Variants in TMPRSS6 observed in about 807,000 individuals in gnomAD.
TMPRSS6 encodes the protein transmembrane serine protease 6.
A neutral mutation model predicts 101.5 loss-of-function variants in TMPRSS6; 67 were observed. That is an observed-to-expected ratio of 0.66 (90% CI 0.54 to 0.81). TMPRSS6 has a LOEUF of 0.81. Ranked by LOEUF, TMPRSS6 falls within the 30% of genes least tolerant of loss-of-function variation. The pLI, the probability that TMPRSS6 is intolerant of heterozygous loss-of-function variation, is 0.00. For missense variants in TMPRSS6, 1,034 were observed against 1,088.7 expected (o/e 0.95, Z 0.71); for synonymous variants, 453 against 464.9 (o/e 0.97, Z 0.33).
chr22:37,108,628 T>C (rs1014629787), intron 1 of TMPRSS6, among the ~76,000 whole-genome samples: 4 of 152,186 alleles, frequency 2.6e-5, no homozygotes, highest in African/African-American at 9.7e-5. Context: ...ATTCAACCAC[T>C]GCGTATGAAC....
At chr22:37,084,962 T>G (rs113040183) in intron 8 of TMPRSS6, 123 bp from the exon 9 acceptor site, 33 of 744,790 alleles carry the variant, frequency 4.4e-5, no homozygotes, top group African/African-American at 4.1e-4. Flanking sequence ...TTGAATGTGA[T>G]TGTGTGAATC....
rs1305732370 is a variant in TMPRSS6, at chr22:37,101,936, C to T, written c.202+1280G>A. On this transcript the variant is annotated intron_variant, in intron 2 of 17. Transcript: ENST00000676104. This position sits in a 1 kb window ranked among gnomAD's most constrained non-coding sequence, Gnocchi z 4.1. ...GGTGAAATGCACATGGCGTCTACTG[C>T]CTGCGTTGCTCAACTCTGGGTAGAA... 6.6e-6 allele frequency among the ~76,000 whole-genome samples: 1 copy of T among 152,196 alleles called. No homozygotes were observed. The highest frequency in any genetic ancestry group is 1.5e-5 in the Non-Finnish European group (1 of 68,034).
chr22:37,074,502 A>T, intron 12 of TMPRSS6, 108 bp downstream of exon 12: 1 of 1,072,704 alleles, frequency 9.3e-7, no homozygotes, highest in Non-Finnish European at 1.4e-6. Flanking sequence ...GGTGCTCATA[A>T]TGGAAGCTGC....
In TMPRSS6 at chr22:37,066,971, G is replaced by C. The variant is rs1465592623; in HGVS notation, c.2114-9C>G. On this transcript the variant is annotated splice_polypyrimidine_tract_variant and intron_variant, in intron 16 of 17. Transcript: ENST00000676104. Reference sequence around the variant, plus strand: ...AGCGTTGCTGATGGGGCCTGTCCGTGGTCAAGGGCAGAAGTGAGATCTCAG... The same window carrying C: ...AGCGTTGCTGATGGGGCCTGTCCGTCGTCAAGGGCAGAAGTGAGATCTCAG... 1 of 1,614,130 alleles carries C rather than the reference G, an allele frequency of 6.2e-7. No individual in the cohort carries two copies. The highest frequency in any genetic ancestry group is 8.5e-7 in the Non-Finnish European group (1 of 1,180,020).
Position 37,069,661 on chromosome 22 carries a change from C to T in TMPRSS6, c.1842-317G>A, listed in dbSNP as rs185356277. ...TGTTCTTGAGAGAATCCAATAAGACCGTGTATCTAAAAAATGTAGCACAGT... is the reference window on the plus strand; with the variant it reads ...TGTTCTTGAGAGAATCCAATAAGACTGTGTATCTAAAAAATGTAGCACAGT... On this transcript the variant is annotated intron_variant, in intron 15 of 17. Coordinates refer to ENST00000676104, the MANE Select transcript of TMPRSS6 (RefSeq NM_001374504.1). The surrounding 1 kb of genome is among the most constrained non-coding windows in gnomAD (Gnocchi z 4.8). Among the ~76,000 whole-genome samples the T allele has an allele frequency of 5.3e-5, 8 of 152,312 alleles. No homozygotes were observed. In the East Asian group the frequency reaches 1.2e-3, roughly 22 times the overall value.
At position 37,066,913 on chromosome 22, in the gene TMPRSS6, C is replaced by T; in HGVS notation, c.2163G>A (p.Gln721=). 6.2e-7 allele frequency: 1 copy of T among 1,614,190 alleles called. No individual in the cohort carries two copies. Among genetic ancestry groups the T allele is most frequent in the Non-Finnish European group, 8.5e-7 (1 of 1,180,038 alleles). The change falls in exon 17 of 18, where the codon CAG becomes CAA. Residue 721 remains glutamine, a synonymous_variant. Coordinates refer to ENST00000676104, the MANE Select transcript of TMPRSS6 (RefSeq NM_001374504.1). ...LQKVDVQLIP[Q]DLCSEVYRYQ... The stretch of plus-strand genomic sequence containing the variant: ...AGCGATAGACCTCGCTGCACAGGTC[C>T]TGTGGGATCAACTGCACATCCACTT...
intron 1 of TMPRSS6, among the ~76,000 whole-genome samples, chr22:37,106,304 A>G (rs1930710910): frequency 6.6e-6 from 1 of 152,226 alleles, no homozygotes; most frequent in East Asian, 1.9e-4. Context: ...AGAGAGGGAA[A>G]CTGAGGCTCG....
intron 1 of TMPRSS6, among the ~76,000 whole-genome samples, chr22:37,106,923 C>A (rs1930749181): frequency 6.6e-6 from 1 of 152,238 alleles, no homozygotes; most frequent in Non-Finnish European, 1.5e-5. Context: ...AAGCTGCCCC[C>A]TCCCCTGGGC....
intron 10 of TMPRSS6, among the ~76,000 whole-genome samples, chr22:37,078,978 A>G (rs1481656410): frequency 7.8e-5 from 11 of 141,336 alleles, no homozygotes; most frequent in African/African-American, 2.5e-4. Context: ...AAAGAAAAAG[A>G]AAGAAAGAAA....
At chr22:37,095,014 C>T (rs902758417) in intron 6 of TMPRSS6, among the ~76,000 whole-genome samples, 1 of 152,160 alleles carries the variant, frequency 6.6e-6, no homozygotes, top group East Asian at 1.9e-4. Flanking sequence ...TGTGGGTCCG[C>T]TTGGAGAAAT....
chr22:37,085,205 C>T (rs1048599282), intron 8 of TMPRSS6, among the ~76,000 whole-genome samples: 2 of 152,120 alleles, frequency 1.3e-5, no homozygotes, highest in Admixed American at 1.3e-4. Context: ...TCCCCTTTTC[C>T]AAGATGAGGT....
At chr22:37,100,748 G>A (rs1930246685) in intron 2 of TMPRSS6, among the ~76,000 whole-genome samples, 1 of 152,166 alleles carries the variant, frequency 6.6e-6, no homozygotes, top group South Asian at 2.1e-4. Context: ...AAATGTGGGT[G>A]TTATCAGGGT....
intron 10 of TMPRSS6, among the ~76,000 whole-genome samples, chr22:37,078,851 AAGGAGAAGAAGGAGAAGAGGAAGGG>A (rs1927941657): frequency 1.3e-5 from 1 of 78,794 alleles, no homozygotes; most frequent in East Asian, 2.7e-4. Context: ...GAAGGAAGAG[AAGGAGAAGAAGGAGAAGAGGAAGGG>A]AGAAGAAGGG....
chr22:37,071,502 G>A (rs1311075744), intron 13 of TMPRSS6, among the ~76,000 whole-genome samples: 7 of 152,152 alleles, frequency 4.6e-5, no homozygotes, highest in Admixed American at 2.6e-4. Context: ...CTCTCACCAA[G>A]GGCCAAACAC....
chr22:37,095,692 A>C (rs1262360828), intron 5 of TMPRSS6, 100 bp from the exon 6 acceptor site: 10 of 1,365,318 alleles, frequency 7.3e-6, no homozygotes, highest in Admixed American at 2.3e-5. Context: ...CCTTGGAGCC[A>C]GCCTTGTCTG....
chr22:37,089,490 T>C (rs961222990), intron 7 of TMPRSS6, 88 bp downstream of exon 7: 11 of 1,327,374 alleles, frequency 8.3e-6, no homozygotes, highest in Non-Finnish European at 2.1e-6. Flanking sequence ...CCCTCCCTTG[T>C]CTAAGAATGC....
At chr22:37,071,703 G>T (rs1258509259) in intron 13 of TMPRSS6, among the ~76,000 whole-genome samples, 4 of 152,338 alleles carry the variant, frequency 2.6e-5, no homozygotes, top group South Asian at 2.1e-4. Context: ...GCAAGTGTTG[G>T]TCAGTTGGTC....
At position 37,084,414 on chromosome 22, in the gene TMPRSS6, AG is replaced by A. The variant is rs769837217; in HGVS notation, c.1087-11del. ...AGTCCAGAGAGGGCACCTGGGAGGG[AG>A]GAGCGGGCCATCAGGTGGCCCATGG... is the stretch of plus-strand genomic sequence containing the variant. On this transcript the variant is annotated splice_polypyrimidine_tract_variant and intron_variant, in intron 9 of 17. Transcript: ENST00000676104. The A allele has an allele frequency of 6.2e-7, 1 of 1,605,288 alleles. No homozygotes were observed. Among genetic ancestry groups the A allele is most frequent in the Non-Finnish European group, 8.5e-7 (1 of 1,174,968 alleles).
In TMPRSS6 at chr22:37,070,644, G is replaced by A. The variant is rs899845789; in HGVS notation, c.1681C>T (p.Leu561Phe). The stretch of plus-strand genomic sequence containing the variant: ...ACAATGCGGCTGGAGGGGCCCTGGA[G>A]GCCACAGTCTGGGGATGGGGGCAGG... ...GSDEEHCDCGLQGPSSRIVGG... is the reference protein window; with the variant it reads ...GSDEEHCDCGFQGPSSRIVGG... The change falls in exon 15 of 18, where the codon CTC becomes TTC. Residue 561 changes from leucine to phenylalanine, a missense_variant. Transcript: ENST00000676104. 2 of 1,612,964 alleles carry A rather than the reference G, an allele frequency of 1.2e-6. No individual in the cohort carries two copies. The highest frequency in any genetic ancestry group is 1.7e-6 in the Non-Finnish European group (2 of 1,179,938).
Sources: gnomAD v4.1 joint callset for allele counts (sites outside exome capture counted in the v4.1 genomes callset) on GRCh38, gnomAD v4.1.1 for gene constraint, Gnocchi (gnomAD v3.1) non-coding constraint, MANE v1.5 for transcripts, NCBI Gene and HGNC (gene_info 2026-07-23, HGNC 2026-07-21) for gene names.